Variants in CCDC33 observed in about 807,000 individuals in gnomAD.
CCDC33 encodes the protein coiled-coil domain-containing protein 33.
In CCDC33, 94 loss-of-function variants were observed where a neutral mutation model predicts 91.9. The ratio of observed to expected loss-of-function variants is 1.02; its 90% CI spans 0.87 to 1.21. The LOEUF (loss-of-function observed/expected upper bound fraction) is 1.21, where lower values mean the gene tolerates loss of function less well. Among genes scored for constraint, CCDC33 ranks in the 50% most tolerant of loss-of-function variants. The probability of loss-of-function intolerance (pLI) is 0.00; values close to 1 mark genes in which losing one functional copy is unlikely to be tolerated. For missense variants in CCDC33, 940 were observed against 935.5 expected (o/e 1.00, Z -0.06); for synonymous variants, 396 against 374.5 (o/e 1.06, Z -0.66).
Position 74,236,691 on chromosome 15 carries a change from C to T in CCDC33, c.-29C>T, listed in dbSNP as rs1367132527. ...AGTACTCATCCCCAAGATTGTTAAA[C>T]AAGGCCAGACACTCCTGGCCTCAAG... On this transcript the variant is annotated 5_prime_UTR_variant, in exon 1 of 19. Coordinates refer to ENST00000398814, the MANE Select transcript of CCDC33 (RefSeq NM_025055.5). 1.2e-6 allele frequency: 2 copies of T among 1,611,580 alleles called. No homozygotes were observed. The highest frequency in any genetic ancestry group is 1.7e-6 in the Non-Finnish European group (2 of 1,178,230).
At chr15:74,280,858 TCACCCTGCCC>T in intron 9 of CCDC33, 57 bp downstream of exon 9, 1 of 1,379,482 alleles carries the variant, frequency 7.2e-7, no homozygotes, top group Non-Finnish European at 9.5e-7. Context: ...CCACCCTGCC[TCACCCTGCCC>T]CACCTCACCA....
chr15:74,279,624 C>A (rs1316004280), intron 7 of CCDC33, among the ~76,000 whole-genome samples: 1 of 152,080 alleles, frequency 6.6e-6, no homozygotes, highest in African/African-American at 2.4e-5. Context: ...CAACCTCTGC[C>A]CCCCCGGGTT....
At chr15:74,235,004 AG>A (rs1191501781), upstream of CCDC33, among the ~76,000 whole-genome samples, 1 of 152,158 alleles carries the variant, frequency 6.6e-6, no homozygotes, top group Non-Finnish European at 1.5e-5. Context: ...CAGGCCTGAG[AG>A]GTTGGGGGAG....
chr15:74,249,686 A>T (rs1271300593), intron 2 of CCDC33, among the ~76,000 whole-genome samples: 1 of 152,024 alleles, frequency 6.6e-6, no homozygotes. Context: ...CGGGGGAGAG[A>T]CCCGTGCACT....
intron 11 of CCDC33, among the ~76,000 whole-genome samples, chr15:74,328,454 A>G (rs2060355558): frequency 6.6e-6 from 1 of 152,182 alleles, no homozygotes. Context: ...CTCACACTGC[A>G]TGTGAGTGGC....
chr15:74,326,041 G>A (rs142465611), intron 11 of CCDC33, among the ~76,000 whole-genome samples: 9 of 152,324 alleles, frequency 5.9e-5, no homozygotes, highest in Admixed American at 2.6e-4. Flanking sequence ...TTAAAAGTGC[G>A]ACGGCAGGCA....
chr15:74,272,682 C>T (rs370868072), intron 6 of CCDC33, 89 bp from the exon 7 acceptor site: 2 of 1,524,702 alleles, frequency 1.3e-6, no homozygotes, highest in Non-Finnish European at 1.8e-6. Context: ...CCTTCTCTTG[C>T]ATCAACCCAG....
At chr15:74,305,084 T>TTAC (rs1335767402) in intron 11 of CCDC33, among the ~76,000 whole-genome samples, 1 of 152,082 alleles carries the variant, frequency 6.6e-6, no homozygotes, top group African/African-American at 2.4e-5. Flanking sequence ...GTAGCTGGGA[T>TTAC]TACAGACACC....
rs8037755 is a variant in CCDC33, at chr15:74,208,662, C to T, written n.90-726C>T. ...TCCAAACTTACTCATCAGAATTGCT[C>T]CAGCCCATCACTCTGCTCACTTCCT... On this transcript the variant is annotated intron_variant and non_coding_transcript_variant, in intron 1 of 3. Transcript: ENST00000558645. 7.5e-3 allele frequency: 7,286 copies of T among 971,294 alleles called. 415 individuals carry two copies. The African/African-American group carries it at 0.12, about 16-fold the overall frequency. The allele number at this position is 971,294 out of a possible 1,614,324, so 60.2% of individuals were successfully genotyped here. A position where few individuals can be genotyped will look rare whatever the true frequency, so the allele number is the denominator to read the frequency against.
chr15:74,332,638 A>G (rs1596143920), intron 15 of CCDC33, 41 bp from the exon 16 acceptor site: 1 of 1,602,208 alleles, frequency 6.2e-7, no homozygotes, highest in East Asian at 2.2e-5. Flanking sequence ...CATGGGAAGC[A>G]GGAGAGCCCA....
intron 7 of CCDC33, among the ~76,000 whole-genome samples, chr15:74,275,842 T>C (rs976009488): frequency 1.3e-5 from 2 of 152,136 alleles, no homozygotes; most frequent in African/African-American, 4.8e-5. Flanking sequence ...GCTAATTTTG[T>C]ATATTTAGTA....
chr15:74,278,919 G>A (rs2076519305), intron 7 of CCDC33, among the ~76,000 whole-genome samples: 1 of 152,198 alleles, frequency 6.6e-6, no homozygotes, highest in African/African-American at 2.4e-5. Context: ...GCGGGCACAC[G>A]GAGCCTCTGT....
Position 74,268,402 on chromosome 15 carries a change from G to T in CCDC33, c.490G>T (p.Val164Phe). Reference sequence around the variant, plus strand: ...CAAGACCCAGTTGTACGCAACAGTCGTTCGGAAGAGCAGCTTCATACCCCG... The same window carrying T: ...CAAGACCCAGTTGTACGCAACAGTCTTTCGGAAGAGCAGCTTCATACCCCG... ...TAKTQLYATV[V>F]RKSSFIPRYI... The change falls in exon 5 of 19, where the codon GTT becomes TTT. Residue 164 changes from valine (V) to phenylalanine (F), a missense_variant. Val to Phe is a conservative substitution (Grantham distance 50). Transcript: ENST00000398814. 6.3e-7 allele frequency: 1 copy of T among 1,588,642 alleles called. No homozygotes were observed.
At position 74,330,989 on chromosome 15, in the gene CCDC33, T is replaced by C; in HGVS notation, c.1554T>C (p.Asp518=). The C allele has an allele frequency of 6.3e-7, 1 of 1,587,372 alleles. No individual in the cohort carries two copies. Among genetic ancestry groups the C allele is most frequent in the Non-Finnish European group, 8.6e-7 (1 of 1,166,638 alleles). The change falls in exon 14 of 19, where the codon GAT becomes GAC. Residue 518 remains aspartate (D), a synonymous_variant. Transcript: ENST00000398814. ...HLQNELIRKN[D]REKELLLLYQ... ...CCTCCCCCATCTCACAGAAGAATGA[T>C]CGAGAGAAGGAGCTGCTCCTTCTGT...
chr15:74,308,386 C>CACA (rs3222833), intron 11 of CCDC33, among the ~76,000 whole-genome samples: 2 of 151,888 alleles, frequency 1.3e-5, no homozygotes, highest in Non-Finnish European at 2.9e-5. Flanking sequence ...CACACACACA[C>CACA]ATTTGGTGCT....
rs374212817 is a variant in CCDC33 at position 74,270,916 on chromosome 15, A to G, written c.547-787A>G. 4.6e-5 allele frequency among the ~76,000 whole-genome samples: 7 copies of G among 152,284 alleles called. No individual in the cohort carries two copies. The East Asian group carries it at 1.4e-3, about 29-fold the overall frequency. On this transcript the variant is annotated intron_variant, in intron 5 of 18. Transcript: ENST00000398814. ...GCCTGGAGTAGAGGAGAGGGCAGTC[A>G]GGACTGGGAGGCAGGGAAGCCTTTA...
chr15:74,268,522 C>A, intron 5 of CCDC33, 64 bp downstream of exon 5: 1 of 1,262,910 alleles, frequency 7.9e-7, no homozygotes, highest in Admixed American at 1.7e-5. Context: ...TTTGAGCAGG[C>A]CCCACGCCTT....
chr15:74,314,052 C>T (rs577694578), intron 11 of CCDC33, among the ~76,000 whole-genome samples: 1 of 152,246 alleles, frequency 6.6e-6, no homozygotes, highest in Non-Finnish European at 1.5e-5. Flanking sequence ...TGTGCTAGGA[C>T]TGTGTCTCCT....
At position 74,295,814 on chromosome 15, in the gene CCDC33, A is replaced by G. The variant is rs547023567; in HGVS notation, c.1156A>G (p.Ile386Val). The G allele has an allele frequency of 6.2e-7, 1 of 1,614,150 alleles. No individual in the cohort carries two copies. The highest frequency in any genetic ancestry group is 1.1e-5 in the South Asian group (1 of 91,074). Residue 386 changes from isoleucine to valine, a missense_variant, in exon 11 of 19, where the codon ATC (isoleucine) becomes GTC (valine). Physicochemically the swap from Ile to Val is conservative, Grantham distance 29 (BLOSUM62 3). Coordinates refer to ENST00000398814, the MANE Select transcript of CCDC33 (RefSeq NM_025055.5). ...GGCTCTTCCTACCTTGGACCCCAAG[A>G]TCCTGGATAAGAAGCTGAGAACCAT... ...SKALPTLDPK[I>V]LDKKLRTIQE...
Sources: gnomAD v4.1 joint callset for allele counts (sites outside exome capture counted in the v4.1 genomes callset) on GRCh38, gnomAD v4.1.1 for gene constraint, MANE v1.5 for transcripts, NCBI Gene and HGNC (gene_info 2026-07-23, HGNC 2026-07-21) for gene names.